Variants in PTPRU observed in about 807,000 individuals in gnomAD.
The protein encoded by PTPRU is receptor-type tyrosine-protein phosphatase U.
PTPRU carries 69 observed loss-of-function variants against 166.3 expected under a neutral mutation model. That is an observed-to-expected ratio of 0.41 (90% CI 0.34 to 0.51). The LOEUF (loss-of-function observed/expected upper bound fraction) is 0.51. PTPRU is among the 20% of genes least tolerant of loss of function. The probability of loss-of-function intolerance (pLI) is 0.09; values close to 1 mark genes in which losing one functional copy is unlikely to be tolerated. For synonymous variants in PTPRU, 793 were observed against 814.0 expected, an observed-to-expected ratio of 0.97 and a Z score of 0.44; for missense variants, 1,657 against 2,013.7, an observed-to-expected ratio of 0.82 and a Z score of 3.39.
chr1:29,265,250 A>C (rs2151947133), intron 7 of PTPRU, among the ~76,000 whole-genome samples: 1 of 152,328 alleles, frequency 6.6e-6, no homozygotes, highest in Middle Eastern at 3.4e-3. Context: ...CCTTGCCAGC[A>C]TTTAGTGTTG....
intron 26 of PTPRU, among the ~76,000 whole-genome samples, chr1:29,322,183 G>T (rs1574734520): frequency 6.6e-6 from 1 of 152,234 alleles, no homozygotes; most frequent in East Asian, 1.9e-4. Context: ...GAGGGGAGAG[G>T]CCCAGAGGGA....
At chr1:29,255,159 A>G in intron 1 of PTPRU, 116 bp from the exon 2 acceptor site, 1 of 1,265,452 alleles carries the variant, frequency 7.9e-7, no homozygotes, top group Non-Finnish European at 1.1e-6. Context: ...AAGGGCCTGA[A>G]GAGAGGGAGG....
chr1:29,324,579 C>T (rs1688315835), intron 28 of PTPRU, among the ~76,000 whole-genome samples: 1 of 152,232 alleles, frequency 6.6e-6, no homozygotes, highest in Non-Finnish European at 1.5e-5. Flanking sequence ...ATTCCTGTTC[C>T]ACCTTGCTCT....
chr1:29,292,878 T>C (rs896738238), intron 15 of PTPRU, among the ~76,000 whole-genome samples: 1 of 149,966 alleles, frequency 6.7e-6, no homozygotes, highest in African/African-American at 2.5e-5. Context: ...TGCAGTGGCA[T>C]GATCTCGGCT....
intron 21 of PTPRU, 105 bp from the exon 22 acceptor site, chr1:29,312,447 A>C: frequency 9.0e-7 from 1 of 1,109,334 alleles, no homozygotes; most frequent in East Asian, 2.5e-5. Flanking sequence ...GGATTAGTTG[A>C]GATTATACAA....
intron 1 of PTPRU, among the ~76,000 whole-genome samples, chr1:29,254,066 C>G (rs996382401): frequency 6.6e-6 from 1 of 152,172 alleles, no homozygotes; most frequent in African/African-American, 2.4e-5. Context: ...GGACAAATCC[C>G]TTCACTCCTC....
chr1:29,258,459 C>G, intron 2 of PTPRU, 46 bp from the exon 3 acceptor site: 1 of 1,586,750 alleles, frequency 6.3e-7, no homozygotes, highest in Non-Finnish European at 8.6e-7. Context: ...CCCTGTCCCT[C>G]CCCTGAGGTC....
At chr1:29,300,315 A>C (rs1687081643) in intron 15 of PTPRU, among the ~76,000 whole-genome samples, 1 of 152,196 alleles carries the variant, frequency 6.6e-6, no homozygotes, top group Admixed American at 6.5e-5. Context: ...TGTTTATGAA[A>C]CATTGCTGTT....
chr1:29,251,621 G>A (rs894030371), intron 1 of PTPRU, among the ~76,000 whole-genome samples: 3 of 152,190 alleles, frequency 2.0e-5, no homozygotes, highest in Non-Finnish European at 1.5e-5. Flanking sequence ...TGGTCTGGGT[G>A]TCACTCTGAC....
chr1:29,243,649 G>A (rs1684154987), intron 1 of PTPRU, among the ~76,000 whole-genome samples: 1 of 152,224 alleles, frequency 6.6e-6, no homozygotes, highest in African/African-American at 2.4e-5. Flanking sequence ...TCCCATAGTG[G>A]ACGTCTGACA....
At chr1:29,314,798 C>T (rs528200096) in intron 22 of PTPRU, among the ~76,000 whole-genome samples, 22 of 152,176 alleles carry the variant, frequency 1.4e-4, no homozygotes, top group Admixed American at 4.6e-4. Flanking sequence ...AGGCTGGTCT[C>T]GAACTCCTGA....
intron 7 of PTPRU, among the ~76,000 whole-genome samples, chr1:29,269,685 A>G (rs1381691984): frequency 1.3e-5 from 2 of 152,180 alleles, no homozygotes; most frequent in East Asian, 3.9e-4. Context: ...CTCCCCTCGC[A>G]CTATATTATT....
Position 29,320,149 on chromosome 1 carries a change from T to C in PTPRU, c.3688-536T>C, listed in dbSNP as rs1688087184. ...GGTGGAGTGGGATAGTCAGGAAATA[T>C]ACAATGAAATGTCATCAACTGGAAA... is the stretch of plus-strand genomic sequence containing the variant. On this transcript the variant is annotated intron_variant, in intron 25 of 29. Coordinates refer to ENST00000373779, the MANE Select transcript of PTPRU (RefSeq NM_133178.4). This position sits in a 1 kb window ranked among gnomAD's most constrained non-coding sequence, Gnocchi z 5.2. 1 of 152,418 alleles carries C rather than the reference T, an allele frequency of 6.6e-6. No individual in the cohort carries two copies. The highest frequency in any genetic ancestry group is 6.5e-5 in the Admixed American group (1 of 15,294). The allele number at this position is 152,418 out of a possible 1,614,324, so 9.4% of individuals were successfully genotyped here. A position where few individuals can be genotyped will look rare whatever the true frequency, so the allele number is the denominator to read the frequency against.
chr1:29,285,128 G>T lies in PTPRU; in HGVS notation c.2318+259G>T, dbSNP rs532843275. Among the ~76,000 whole-genome samples, 9 of 152,294 alleles carry T rather than the reference G, an allele frequency of 5.9e-5. No homozygotes were observed. The East Asian group carries it at 1.4e-3, about 23-fold the overall frequency. Reference sequence around the variant, plus strand: ...CAGGTGCTGCCATCCAGGGAGGGGTGCTCAGTGCCTGGTGCCAAGGAGCTA... The same window carrying T: ...CAGGTGCTGCCATCCAGGGAGGGGTTCTCAGTGCCTGGTGCCAAGGAGCTA... On this transcript the variant is annotated intron_variant, in intron 14 of 29. Coordinates refer to ENST00000373779, the MANE Select transcript of PTPRU (RefSeq NM_133178.4).
rs1175870568 is a variant in PTPRU, at chr1:29,269,246, ATTTTTTTTTTTTTTTT to A, written c.1145-6188_1145-6173del. 9.7e-5 allele frequency among the ~76,000 whole-genome samples: 2 copies of A among 20,588 alleles called. 1 individual carries two copies. The highest frequency in any genetic ancestry group is 2.0e-4 in the Non-Finnish European group (2 of 9,980). The allele number at this position is 20,588 out of a possible 152,430, so 13.5% of individuals were successfully genotyped here. On this transcript the variant is annotated intron_variant, in intron 7 of 29. Transcript: ENST00000373779. ...TATATATATATATATATATATATAT[ATTTTTTTTTTTTTTTT>A]TTTTTTTTTTTTTGTAGAGACAGGG...
chr1:29,239,909 C>T (rs1348776669), intron 1 of PTPRU, among the ~76,000 whole-genome samples: 4 of 152,174 alleles, frequency 2.6e-5, no homozygotes, highest in African/African-American at 9.7e-5. Context: ...GAAGGCTCCC[C>T]ATTGCCTTCA....
intron 15 of PTPRU, among the ~76,000 whole-genome samples, chr1:29,293,304 G>C (rs139317269): frequency 0.026 from 3,909 of 151,796 alleles, 68 homozygotes; most frequent in South Asian, 0.076. Context: ...GTAGAGACAG[G>C]GTTTCACCAT....
intron 14 of PTPRU, among the ~76,000 whole-genome samples, chr1:29,289,216 ATG>A (rs369417463): frequency 1.2e-4 from 18 of 151,052 alleles, no homozygotes; most frequent in East Asian, 1.9e-4. Flanking sequence ...GGGATGTCTA[ATG>A]TGTGTGTGTG....
Position 29,260,003 on chromosome 1 carries a change from G to A in PTPRU, c.809G>A (p.Arg270His). The change falls in exon 6 of 30, where the codon CGC becomes CAC. Residue 270 changes from arginine to histidine, a missense_variant. Coordinates refer to ENST00000373779, the MANE Select transcript of PTPRU (RefSeq NM_133178.4). The surrounding 1 kb of genome is among the most constrained non-coding windows in gnomAD (Gnocchi z 8.3). Reference sequence around the variant, plus strand: ...TACCGCTGTGTGTCCCAGGCCCCGCGCGGCGCGGGCGTCTCTAACTTCGCG... The same window carrying A: ...TACCGCTGTGTGTCCCAGGCCCCGCACGGCGCGGGCGTCTCTAACTTCGCG... ...DLYRCVSQAP[R>H]GAGVSNFAEL... The A allele has an allele frequency of 6.7e-7, 1 of 1,487,998 alleles. No homozygotes were observed. The highest frequency in any genetic ancestry group is 8.9e-7 in the Non-Finnish European group (1 of 1,127,218). The allele number at this position is 1,487,998 out of a possible 1,614,324, so 92.2% of individuals were successfully genotyped here.
Sources: gnomAD v4.1 joint callset for allele counts (sites outside exome capture counted in the v4.1 genomes callset) on GRCh38, gnomAD v4.1.1 for gene constraint, Gnocchi (gnomAD v3.1) non-coding constraint, MANE v1.5 for transcripts, NCBI Gene and HGNC (gene_info 2026-07-23, HGNC 2026-07-21) for gene names.